Variants in OSTN observed in about 807,000 individuals in gnomAD.
OSTN encodes the protein osteocrin.
A neutral mutation model predicts 12.0 loss-of-function variants in OSTN; 9 were observed. The observed-to-expected ratio is 0.75, with a 90% CI of 0.45 to 1.30. The LOEUF is 1.30. Among genes scored for constraint, OSTN ranks in the 50% most tolerant of loss-of-function variants. OSTN has a pLI of 0.00. For synonymous variants in OSTN, 59 were observed against 56.9 expected (o/e 1.04, Z -0.16); for missense variants, 148 against 152.3 (o/e 0.97, Z 0.15).
Position 191,216,308 on chromosome 3 carries a change from G to A in OSTN, c.103-2439G>A, listed in dbSNP as rs191086238. ...TTAAACCATTTTTCCCTCCTAGGCC[G>A]CTGGGCCTGTGATGGGAGGGGCTGC... On this transcript the variant is annotated intron_variant, in intron 2 of 4. Coordinates refer to ENST00000682035, the MANE Select transcript of OSTN (RefSeq NM_198184.2). Among the ~76,000 whole-genome samples the A allele has an allele frequency of 3.5e-3, 527 of 152,306 alleles. 5 individuals carry two copies. The highest frequency in any genetic ancestry group is 4.5e-3 in the Non-Finnish European group (308 of 68,016).
chr3:191,238,092 C>A lies in OSTN; in HGVS notation c.318-11945C>A, dbSNP rs552779845. Among the ~76,000 whole-genome samples, 48 of 152,250 alleles carry A rather than the reference C, an allele frequency of 3.2e-4. No homozygotes were observed. The South Asian group carries it at 9.8e-3, about 31-fold the overall frequency. ...GCGGCATCTCAAGGTTTATGCTTTT[C>A]TTTTTTAGCTCTTATTTGGTCATCT... On this transcript the variant is annotated intron_variant, in intron 3 of 4. Coordinates refer to ENST00000682035, the MANE Select transcript of OSTN (RefSeq NM_198184.2).
At chr3:191,212,720 A>G (rs935688306) in intron 2 of OSTN, 86 bp downstream of exon 2, 17 of 321,266 alleles carry the variant, frequency 5.3e-5, no homozygotes, top group Non-Finnish European at 8.3e-5. Flanking sequence ...AATATATATT[A>G]AAATATATTT....
intron 4 of OSTN, among the ~76,000 whole-genome samples, chr3:191,257,407 A>T (rs1437336233): frequency 6.6e-6 from 1 of 152,150 alleles, no homozygotes; most frequent in East Asian, 1.9e-4. Flanking sequence ...TACATATCAG[A>T]TGCAGAGCCC....
rs900172009 is a variant in OSTN at position 191,256,184 on chromosome 3, T to A, written c.*12+6051T>A. 2.2e-4 allele frequency among the ~76,000 whole-genome samples: 34 copies of A among 152,218 alleles called. 1 individual carries two copies. The highest frequency in any genetic ancestry group is 6.3e-4 in the African/African-American group (26 of 41,568). On this transcript the variant is annotated intron_variant, in intron 4 of 4. Coordinates refer to ENST00000682035, the MANE Select transcript of OSTN (RefSeq NM_198184.2). ...ATAATTAAATACTACTGATAACATA[T>A]GCTAAAACATATCAGAATTTCAGGA...
chr3:191,218,886 AAAG>A lies in OSTN; in HGVS notation c.243_245del (p.Arg82del), dbSNP rs1311888688. The A allele has an allele frequency of 6.2e-7, 1 of 1,614,138 alleles. No individual in the cohort carries two copies. Among genetic ancestry groups the A allele is most frequent in the Non-Finnish European group, 8.5e-7 (1 of 1,179,994 alleles). ...AATGATGTGATTGAGACAAAGAAGA[AAAG>A]GAGTTTCTCTGGTTTTGGGTCTCCC... On this transcript the variant is annotated inframe_deletion, in exon 3 of 5. Transcript: ENST00000682035.
chr3:191,220,807 A>G (rs1714742735), intron 3 of OSTN, among the ~76,000 whole-genome samples: 1 of 152,240 alleles, frequency 6.6e-6, no homozygotes, highest in African/African-American at 2.4e-5. Context: ...AAATCAATAT[A>G]TAAATGCTGT....
chr3:191,219,844 C>T (rs186685442), intron 3 of OSTN, among the ~76,000 whole-genome samples: 326 of 152,238 alleles, frequency 2.1e-3, no homozygotes, highest in African/African-American at 7.8e-3. Context: ...TTCATTAAGG[C>T]TTTTCTAATT....
At chr3:191,255,897 G>T (rs1715660100) in intron 4 of OSTN, among the ~76,000 whole-genome samples, 2 of 151,944 alleles carry the variant, frequency 1.3e-5, no homozygotes, top group Non-Finnish European at 2.9e-5. Flanking sequence ...TAAAAATTTT[G>T]TGATTTTTAC....
At chr3:191,212,770 C>A in intron 2 of OSTN, 136 bp downstream of exon 2, 2 of 168,838 alleles carry the variant, frequency 1.2e-5, no homozygotes, top group Non-Finnish European at 2.4e-5. Context: ...TATATCATAT[C>A]ATATATTTTA....
chr3:191,204,814 T>A (rs1042948110), intron 1 of OSTN, among the ~76,000 whole-genome samples: 22 of 152,228 alleles, frequency 1.4e-4, no homozygotes, highest in African/African-American at 5.1e-4. Context: ...TTGCAGATTG[T>A]CCCTATGAAT....
chr3:191,219,773 TC>T (rs1714716662), intron 3 of OSTN, among the ~76,000 whole-genome samples: 1 of 152,220 alleles, frequency 6.6e-6, no homozygotes, highest in Admixed American at 6.5e-5. Flanking sequence ...CCTGAACATT[TC>T]TCACTAAATT....
chr3:191,212,945 A>G (rs1441162939), intron 2 of OSTN, among the ~76,000 whole-genome samples: 1 of 132,032 alleles, frequency 7.6e-6, no homozygotes, highest in Middle Eastern at 4.5e-3. Context: ...ATCTCAGCTC[A>G]CTGCAACTTC....
chr3:191,218,689 G>T (rs1714685263), intron 2 of OSTN, 58 bp from the exon 3 acceptor site: 1 of 1,409,022 alleles, frequency 7.1e-7, no homozygotes, highest in Admixed American at 1.8e-5. Flanking sequence ...AGATGCATAT[G>T]TACATACTTG....
intron 3 of OSTN, among the ~76,000 whole-genome samples, chr3:191,244,661 C>T (rs1715390766): frequency 6.7e-6 from 1 of 148,554 alleles, no homozygotes; most frequent in Non-Finnish European, 1.5e-5. Context: ...ATGTTAACTA[C>T]TAGCTTTCTG....
chr3:191,203,371 A>C (rs542379752), intron 1 of OSTN, among the ~76,000 whole-genome samples: 1 of 152,328 alleles, frequency 6.6e-6, no homozygotes, highest in Admixed American at 6.5e-5. Flanking sequence ...GTTTAAAATA[A>C]TAATGGAATC....
intron 3 of OSTN, among the ~76,000 whole-genome samples, chr3:191,225,034 A>G (rs2108537176): frequency 6.6e-6 from 1 of 152,236 alleles, no homozygotes; most frequent in Middle Eastern, 3.5e-3. Context: ...AAAATATAAT[A>G]AATCAATGCA....
chr3:191,212,188 C>T (rs1029557744), intron 1 of OSTN, among the ~76,000 whole-genome samples: 1 of 152,148 alleles, frequency 6.6e-6, no homozygotes, highest in African/African-American at 2.4e-5. Context: ...TTACAAATTT[C>T]TCCTCAGTTA....
At chr3:191,226,280 T>A (rs1223248548) in intron 3 of OSTN, among the ~76,000 whole-genome samples, 1 of 152,058 alleles carries the variant, frequency 6.6e-6, no homozygotes, top group East Asian at 1.9e-4. Context: ...CAACAATAGA[T>A]AAAAGTCATA....
intron 3 of OSTN, among the ~76,000 whole-genome samples, chr3:191,241,975 C>T (rs1465622058): frequency 6.7e-6 from 1 of 150,142 alleles, no homozygotes; most frequent in Non-Finnish European, 1.5e-5. Flanking sequence ...AAATTCCTAC[C>T]AAAAAAAATA....
Sources: gnomAD v4.1 joint callset for allele counts (sites outside exome capture counted in the v4.1 genomes callset) on GRCh38, gnomAD v4.1.1 for gene constraint, MANE v1.5 for transcripts, NCBI Gene and HGNC (gene_info 2026-07-23, HGNC 2026-07-21) for gene names.